CEACAM20: variants seen among roughly 807,000 people sequenced by gnomAD.
CEACAM20 encodes cell adhesion molecule CEACAM20.
Under a neutral mutation model 61.2 loss-of-function variants are expected in CEACAM20, and 50 were observed. That is an observed-to-expected ratio of 0.82 (90% CI 0.65 to 1.03). The LOEUF (loss-of-function observed/expected upper bound fraction) is 1.03. Ranked by LOEUF, CEACAM20 falls within the 50% of genes least tolerant of loss-of-function variation. The pLI is 0.00. For missense variants in CEACAM20, 683 were observed against 736.4 expected, an observed-to-expected ratio of 0.93 and a Z score of 0.84; for synonymous variants, 282 against 287.7, an observed-to-expected ratio of 0.98 and a Z score of 0.20.
chr19:44,525,883 T>C (rs1340916214), intron 1 of CEACAM20, among the ~76,000 whole-genome samples: 1 of 152,248 alleles, frequency 6.6e-6, no homozygotes, highest in African/African-American at 2.4e-5. Flanking sequence ...CACTGTGTTC[T>C]CTCCAATGAT....
chr19:44,529,380 A>G (rs1971643316), intron 1 of CEACAM20, 78 bp downstream of exon 1: 18 of 1,287,388 alleles, frequency 1.4e-5, no homozygotes, highest in Non-Finnish European at 2.0e-5. Context: ...ACACACACAC[A>G]CACACACACA....
At chr19:44,528,096 C>T (rs979190038) in intron 1 of CEACAM20, among the ~76,000 whole-genome samples, 3 of 151,500 alleles carry the variant, frequency 2.0e-5, no homozygotes. Context: ...CCTCTGTCTC[C>T]CTCTCTTTCT....
intron 11 of CEACAM20, among the ~76,000 whole-genome samples, chr19:44,510,547 G>GGAAGGAAGGAAA (rs1491495596): frequency 1.9e-5 from 1 of 52,770 alleles, no homozygotes; most frequent in African/African-American, 6.9e-5. Context: ...AAGGAAGGAA[G>GGAAGGAAGGAAA]GAAAGAAAGA....
Position 44,528,170 on chromosome 19 carries a change from C to CTTTT in CEACAM20, c.52+1287_52+1288insAAAA, listed in dbSNP as rs1555746333. 5.8e-4 allele frequency among the ~76,000 whole-genome samples: 55 copies of CTTTT among 94,660 alleles called. No homozygotes were observed. The East Asian group carries it at 0.013, about 22-fold the overall frequency. The allele number at this position is 94,660 out of a possible 152,430, so 62.1% of individuals were successfully genotyped here. A position where few individuals can be genotyped will look rare whatever the true frequency, so the allele number is the denominator to read the frequency against. On this transcript the variant is annotated intron_variant, in intron 1 of 11. Coordinates refer to ENST00000614924, the MANE Select transcript of CEACAM20 (RefSeq NM_001102597.3). ...TTTTCTTTCTTTCTTTTCTTTCTTTCCTTTCTTTCTTTCCTTTCTTTCTTT... is the reference window on the plus strand; with the variant it reads ...TTTTCTTTCTTTCTTTTCTTTCTTTCTTTTCTTTCTTTCTTTCCTTTCTTTCTTT...
At chr19:44,528,956 CTTTTT>C (rs71171255) in intron 1 of CEACAM20, among the ~76,000 whole-genome samples, 4 of 92,622 alleles carry the variant, frequency 4.3e-5, no homozygotes, top group East Asian at 3.9e-4. Flanking sequence ...CTCTTTCTTT[CTTTTT>C]TTTTTTTTTT....
intron 11 of CEACAM20, 119 bp from the exon 12 acceptor site, chr19:44,506,333 T>C: frequency 1.3e-6 from 1 of 783,992 alleles, no homozygotes; most frequent in South Asian, 1.7e-5. Context: ...TCCAAAAATC[T>C]TCCTCCATTC....
At chr19:44,516,228 C>T (rs527264624) in intron 6 of CEACAM20, among the ~76,000 whole-genome samples, 16 of 152,288 alleles carry the variant, frequency 1.1e-4, no homozygotes, top group South Asian at 4.2e-4. Context: ...TTGTTATTAA[C>T]ATCATTTCCG....
intron 5 of CEACAM20, among the ~76,000 whole-genome samples, chr19:44,518,186 GC>G: frequency 6.9e-6 from 1 of 144,610 alleles, no homozygotes; most frequent in Non-Finnish European, 1.5e-5. Context: ...AGGCAGGCAG[GC>G]AGGCAGGCAG....
At chr19:44,522,461 T>C (rs535049133) in intron 4 of CEACAM20, among the ~76,000 whole-genome samples, 173 bp downstream of exon 4, 1 of 152,262 alleles carries the variant, frequency 6.6e-6, no homozygotes, top group South Asian at 2.1e-4. Context: ...CAATCCTAGA[T>C]CCTTCCTCTA....
rs772493880 is a variant in CEACAM20 at position 44,511,658 on chromosome 19, G to T, written c.1590C>A (p.Asp530Glu). Residue 530 changes from aspartate to glutamate, a missense_variant, in exon 10 of 12, where the codon GAC becomes GAA. Asp to Glu is a conservative substitution (Grantham distance 45). Transcript: ENST00000614924. ...GTACCTCATAGGTCTCCTCTGGAAG[G>T]TCTGGTGGTTGCATCTGGGGAAAAA... ...RIRVELMQPP[D>E]LPEETYETKL... is the part of the protein sequence containing the mutation. The T allele has an allele frequency of 6.2e-7, 1 of 1,612,954 alleles. No homozygotes were observed. Among genetic ancestry groups the T allele is most frequent in the South Asian group, 1.1e-5 (1 of 90,572 alleles).
At chr19:44,524,960 C>G in intron 2 of CEACAM20, 141 bp downstream of exon 2, 1 of 1,070,770 alleles carries the variant, frequency 9.3e-7, no homozygotes, top group South Asian at 1.6e-5. Context: ...TGACCCCTGG[C>G]ACAGCTGACT....
intron 8 of CEACAM20, 113 bp from the exon 9 acceptor site, chr19:44,512,191 A>T (rs1424638280): frequency 2.6e-6 from 2 of 764,146 alleles, no homozygotes; most frequent in Admixed American, 4.2e-5. Context: ...CCTTCCCAGG[A>T]CTCCCTGTCA....
rs781050014 is a variant in CEACAM20 at position 44,512,080 on chromosome 19, T to C, written c.1514-2A>G. 3 of 1,605,094 alleles carry C rather than the reference T, an allele frequency of 1.9e-6. No individual in the cohort carries two copies. The highest frequency in any genetic ancestry group is 1.1e-5 in the South Asian group (1 of 88,888). Reference sequence around the variant, plus strand: ...TGCGATACTCAGGACTCAGGCTTTCTAGAAAAAGTGAATCTCAGTCAGGAG... The same window carrying C: ...TGCGATACTCAGGACTCAGGCTTTCCAGAAAAAGTGAATCTCAGTCAGGAG... On this transcript the variant is annotated splice_acceptor_variant, in intron 8 of 11. Transcript: ENST00000614924. LOFTEE classifies it high-confidence loss of function.
intron 1 of CEACAM20, among the ~76,000 whole-genome samples, chr19:44,528,390 G>A (rs1599694233): frequency 6.6e-6 from 1 of 152,140 alleles, no homozygotes; most frequent in Admixed American, 6.5e-5. Context: ...ACCACACTCA[G>A]CTAATTTTCG....
chr19:44,517,037 C>G lies in CEACAM20; in HGVS notation c.1218G>C (p.Leu406=), dbSNP rs528600872. 29 of 1,600,656 alleles carry G rather than the reference C, an allele frequency of 1.8e-5. No homozygotes were observed. In the East Asian group the frequency reaches 5.9e-4, roughly 32 times the overall value. Residue 406 remains leucine (L), a synonymous_variant, in exon 6 of 12, where the codon CTG becomes CTC. Transcript: ENST00000614924. ...HLGEQLIIRA[L]TWEHDGIYNC... ...TGTAGATCCCGTCGTGTTCCCAGGT[C>G]AGAGCCCTGATAATCAGCTGCTCAC...
Position 44,522,806 on chromosome 19 carries a change from A to G in CEACAM20, c.579T>C (p.Ser193=). ...ACCAAGTATAGGCACAGGGTGGGTG[A>G]GACTTTGTTTCCGCTAAGAAGGTCA... is the stretch of plus-strand genomic sequence containing the variant. ...SSMTFLAETK[S]HPPCAYTWFL... is the part of the protein sequence containing the mutation. The change falls in exon 4 of 12, where the codon TCT becomes TCC. Residue 193 remains serine, a synonymous_variant. Coordinates refer to ENST00000614924, the MANE Select transcript of CEACAM20 (RefSeq NM_001102597.3). 1 of 1,613,650 alleles carries G rather than the reference A, an allele frequency of 6.2e-7. No individual in the cohort carries two copies. Among genetic ancestry groups the G allele is most frequent in the Non-Finnish European group, 8.5e-7 (1 of 1,179,786 alleles).
intron 4 of CEACAM20, 103 bp from the exon 5 acceptor site, chr19:44,520,855 TG>T: frequency 9.6e-7 from 1 of 1,044,926 alleles, no homozygotes; most frequent in Non-Finnish European, 1.4e-6. Flanking sequence ...CGTGTGTGTG[TG>T]TGTGTGTGTG....
intron 11 of CEACAM20, among the ~76,000 whole-genome samples, chr19:44,510,597 A>G (rs1339868438): frequency 8.3e-4 from 57 of 69,032 alleles, no homozygotes; most frequent in African/African-American, 4.7e-3. Flanking sequence ...AGAAAGAAAG[A>G]AAGAAAGAAA....
At chr19:44,523,604 A>T (rs1190456805) in intron 3 of CEACAM20, among the ~76,000 whole-genome samples, 1 of 151,556 alleles carries the variant, frequency 6.6e-6, no homozygotes, top group Non-Finnish European at 1.5e-5. Flanking sequence ...TTTTGTAGAG[A>T]TGGGATCTTG....
Sources: gnomAD v4.1 joint callset for allele counts (sites outside exome capture counted in the v4.1 genomes callset) on GRCh38, gnomAD v4.1.1 for gene constraint, MANE v1.5 for transcripts, NCBI Gene and HGNC (gene_info 2026-07-23, HGNC 2026-07-21) for gene names.